CNTN5: variants seen among roughly 807,000 people sequenced by gnomAD.
CNTN5 encodes contactin 5, also known as contactin-5.
In CNTN5, 77 loss-of-function variants were observed where a neutral mutation model predicts 129.1. The observed-to-expected ratio is 0.60, with a 90% CI of 0.50 to 0.72. The LOEUF is 0.72. CNTN5 is among the 30% of genes least tolerant of loss of function. The pLI, the probability that CNTN5 is intolerant of heterozygous loss-of-function variation, is 0.00. For missense variants in CNTN5, 1,478 were observed against 1,328.8 expected (o/e 1.11, Z -1.75); for synonymous variants, 509 against 465.6 (o/e 1.09, Z -1.20).
intron 8 of CNTN5, among the ~76,000 whole-genome samples, chr11:99,960,273 G>A (rs999018854): frequency 6.6e-6 from 1 of 151,728 alleles, no homozygotes; most frequent in Non-Finnish European, 1.5e-5. Context: ...CTTTTAACTC[G>A]AGTCTAATTC....
intron 21 of CNTN5, among the ~76,000 whole-genome samples, chr11:100,311,171 GT>G (rs1284096675): frequency 6.6e-6 from 1 of 151,892 alleles, no homozygotes; most frequent in African/African-American, 2.4e-5. Context: ...AGTGGTAGCA[GT>G]GGAGTTGATA....
At chr11:99,644,138 G>T (rs557656842) in intron 3 of CNTN5, among the ~76,000 whole-genome samples, 6 of 144,516 alleles carry the variant, frequency 4.2e-5, no homozygotes, top group Non-Finnish European at 9.1e-5. Context: ...CACTGAACTT[G>T]TAAATATCAT....
At chr11:99,924,552 G>A (rs1214167772) in intron 7 of CNTN5, among the ~76,000 whole-genome samples, 1 of 151,958 alleles carries the variant, frequency 6.6e-6, no homozygotes, top group Non-Finnish European at 1.5e-5. Context: ...TTGGTTGTGG[G>A]TATGCAGCTT....
chr11:99,333,498 C>G (rs1813976779), intron 2 of CNTN5, among the ~76,000 whole-genome samples: 1 of 151,992 alleles, frequency 6.6e-6, no homozygotes, highest in African/African-American at 2.4e-5. Context: ...ATATTTCCTA[C>G]TATCGCTATG....
At chr11:99,371,978 G>A (rs1939853883) in intron 2 of CNTN5, among the ~76,000 whole-genome samples, 1 of 152,188 alleles carries the variant, frequency 6.6e-6, no homozygotes, top group South Asian at 2.1e-4. Context: ...CTGTAAGTGA[G>A]GATGAGACCC....
At chr11:99,621,373 A>T (rs912342472) in intron 3 of CNTN5, among the ~76,000 whole-genome samples, 1 of 152,226 alleles carries the variant, frequency 6.6e-6, no homozygotes, top group African/African-American at 2.4e-5. Context: ...ATATAACCAG[A>T]TTGTAAATTT....
chr11:99,563,969 A>G (rs1948925140), intron 3 of CNTN5, among the ~76,000 whole-genome samples: 1 of 152,242 alleles, frequency 6.6e-6, no homozygotes, highest in Non-Finnish European at 1.5e-5. Flanking sequence ...AGCACATTAT[A>G]CAGAGAGCAC....
At chr11:99,976,397 T>G (rs937606544) in intron 8 of CNTN5, among the ~76,000 whole-genome samples, 2 of 152,138 alleles carry the variant, frequency 1.3e-5, no homozygotes, top group African/African-American at 4.8e-5. Flanking sequence ...GACTCTTGAG[T>G]GGGGCCTCCA....
intron 2 of CNTN5, among the ~76,000 whole-genome samples, chr11:99,361,344 C>A (rs1939097736): frequency 6.6e-6 from 1 of 152,024 alleles, no homozygotes; most frequent in South Asian, 2.1e-4. Flanking sequence ...ACTAAGATGC[C>A]CCTTAAAGAG....
chr11:99,111,227 G>T lies in CNTN5; in HGVS notation c.-210+89957G>T, dbSNP rs980199203. Among the ~76,000 whole-genome samples, 7 of 152,112 alleles carry T rather than the reference G, an allele frequency of 4.6e-5. No individual in the cohort carries two copies. In the East Asian group the frequency reaches 7.7e-4, roughly 17 times the overall value. The stretch of plus-strand genomic sequence containing the variant: ...GTGACTCTGTACAACTGCACATGTT[G>T]CACGCCCATCAGTTCCATCTTGTGT... On this transcript the variant is annotated intron_variant, in intron 1 of 24. Transcript: ENST00000524871.
At chr11:99,363,312 C>T (rs1939237932) in intron 2 of CNTN5, among the ~76,000 whole-genome samples, 1 of 152,028 alleles carries the variant, frequency 6.6e-6, no homozygotes, top group South Asian at 2.1e-4. Flanking sequence ...TAAGTAATTT[C>T]TCAAAAGTTT....
chr11:100,035,142 C>T (rs1941916348), intron 9 of CNTN5, among the ~76,000 whole-genome samples: 1 of 152,070 alleles, frequency 6.6e-6, no homozygotes, highest in Non-Finnish European at 1.5e-5. Context: ...CCACAACAGT[C>T]CCCGATGTGT....
chr11:99,047,109 T>G (rs1169941488), intron 1 of CNTN5, among the ~76,000 whole-genome samples: 1 of 152,032 alleles, frequency 6.6e-6, no homozygotes, highest in African/African-American at 2.4e-5. Flanking sequence ...TTTTGTCATT[T>G]TAAACATGGC....
chr11:99,885,461 T>C (rs1266481095), intron 6 of CNTN5, among the ~76,000 whole-genome samples: 1 of 152,180 alleles, frequency 6.6e-6, no homozygotes, highest in Non-Finnish European at 1.5e-5. Context: ...CTTAGAATTG[T>C]GTCTTCAGAA....
chr11:99,460,901 C>A (rs746234472), intron 2 of CNTN5, among the ~76,000 whole-genome samples: 22 of 151,954 alleles, frequency 1.4e-4, no homozygotes, highest in Non-Finnish European at 1.8e-4. Flanking sequence ...AAGAAAAAAT[C>A]TTTAAAATGC....
chr11:99,981,077 G>GATATATATATATATATATATATAT (rs372749441), intron 8 of CNTN5, among the ~76,000 whole-genome samples: 44 of 57,456 alleles, frequency 7.7e-4, no homozygotes, highest in East Asian at 1.8e-3. Context: ...GAGCCAATAG[G>GATATATATATATATATATATATAT]ATATATATAT....
intron 17 of CNTN5, among the ~76,000 whole-genome samples, chr11:100,265,891 G>A (rs1055900204): frequency 1.6e-4 from 25 of 152,068 alleles, no homozygotes; most frequent in Admixed American, 1.6e-3. Context: ...TTATATTACT[G>A]AGAAGCATTA....
intron 2 of CNTN5, among the ~76,000 whole-genome samples, chr11:99,399,861 T>C (rs1267427393): frequency 6.6e-6 from 1 of 151,998 alleles, no homozygotes; most frequent in East Asian, 1.9e-4. Flanking sequence ...TTTTTTATTT[T>C]TAATTTTTGT....
At chr11:100,025,623 CA>C (rs1941378838) in intron 9 of CNTN5, among the ~76,000 whole-genome samples, 1 of 152,196 alleles carries the variant, frequency 6.6e-6, no homozygotes, top group South Asian at 2.1e-4. Context: ...TGCCAAGCCA[CA>C]GGGGTGAAGC....
Sources: gnomAD v4.1 joint callset for allele counts (sites outside exome capture counted in the v4.1 genomes callset) on GRCh38, gnomAD v4.1.1 for gene constraint, MANE v1.5 for transcripts, NCBI Gene and HGNC (gene_info 2026-07-23, HGNC 2026-07-21) for gene names.